The following GGNBP2 variants were observed in gnomAD, a reference collection of about 807,000 sequenced individuals.
GGNBP2 encodes gametogenetin-binding protein 2.
Under a neutral mutation model 85.9 loss-of-function variants are expected in GGNBP2, and 10 were observed. The observed-to-expected ratio is 0.12, with a 90% confidence interval of 0.07 to 0.20. The LOEUF is 0.20. Ranked by LOEUF, GGNBP2 falls within the 10% of genes least tolerant of loss-of-function variation. The pLI, the probability that GGNBP2 is intolerant of heterozygous loss-of-function variation, is 1.00. For synonymous variants in GGNBP2, 287 were observed against 285.7 expected, an observed-to-expected ratio of 1.00 and a Z score of -0.05; for missense variants, 595 against 857.8, an observed-to-expected ratio of 0.69 and a Z score of 3.83.
At chr17:36,570,313 A>AG (rs756019250) in intron 6 of GGNBP2, among the ~76,000 whole-genome samples, 29 of 152,314 alleles carry the variant, frequency 1.9e-4, no homozygotes, top group African/African-American at 6.0e-4. Context: ...AGGAGGTTGA[A>AG]GGTGCACCAT....
chr17:36,551,483 C>T (rs1238118765), intron 2 of GGNBP2, among the ~76,000 whole-genome samples: 1 of 151,730 alleles, frequency 6.6e-6, no homozygotes, highest in Non-Finnish European at 1.5e-5. Context: ...GGATTACGGG[C>T]GTGAGCCACC....
chr17:36,555,526 TCTACAGAAAA>T (rs764051309), intron 3 of GGNBP2, among the ~76,000 whole-genome samples: 5 of 152,160 alleles, frequency 3.3e-5, no homozygotes, highest in Non-Finnish European at 7.3e-5. Flanking sequence ...AAACCCTGTT[TCTACAGAAAA>T]TGCAAAAAAG....
intron 3 of GGNBP2, among the ~76,000 whole-genome samples, chr17:36,556,780 T>TG (rs2074366363): frequency 1.6e-5 from 2 of 124,724 alleles, no homozygotes; most frequent in African/African-American, 3.4e-5. Flanking sequence ...TTTTTTTTTT[T>TG]GTGAGAGGAC....
At chr17:36,555,266 ATGTT>A (rs1232949739) in intron 3 of GGNBP2, among the ~76,000 whole-genome samples, 2 of 152,194 alleles carry the variant, frequency 1.3e-5, no homozygotes, top group Non-Finnish European at 2.9e-5. Context: ...GAATTTTCTG[ATGTT>A]TGTTTAATTC....
intron 2 of GGNBP2, chr17:36,546,756 T>C (rs2074259061): frequency 6.6e-6 from 1 of 152,254 alleles, no homozygotes; most frequent in Non-Finnish European, 1.5e-5. Flanking sequence ...TTTGCTTATT[T>C]CGATAAGGTG....
chr17:36,575,263 G>A (rs527918096), intron 6 of GGNBP2: 3 of 597,564 alleles, frequency 5.0e-6, no homozygotes, highest in South Asian at 1.6e-5. Context: ...CTCCACGGAA[G>A]CCACTGCATT....
In GGNBP2 at chr17:36,578,167, G is replaced by A. The variant is rs2074610284; in HGVS notation, c.826G>A (p.Glu276Lys). Reference sequence around the variant, plus strand: ...CATTGCACATCTTTTGGGTCGTGCTGAGCCAGAGTTCGCAGGAGGGTATGA... The same window carrying A: ...CATTGCACATCTTTTGGGTCGTGCTAAGCCAGAGTTCGCAGGAGGGTATGA... The part of the protein sequence containing the change: ...DFIAHLLGRA[E>K]PEFAGGRRER... Residue 276 changes from glutamate to lysine, a missense_variant, in exon 7 of 14, where the codon GAG becomes AAG. Glu to Lys is a moderately conservative substitution (Grantham distance 56, BLOSUM62 1). Coordinates refer to ENST00000613102, the MANE Select transcript of GGNBP2 (RefSeq NM_024835.5). 5.0e-6 allele frequency: 8 copies of A among 1,610,002 alleles called. No homozygotes were observed. Among genetic ancestry groups the A allele is most frequent in the Non-Finnish European group, 5.1e-6 (6 of 1,176,538 alleles).
At chr17:36,577,384 G>T (rs1185473629) in intron 6 of GGNBP2, 1 of 153,024 alleles carries the variant, frequency 6.5e-6, no homozygotes, top group East Asian at 1.9e-4. Context: ...TGAGAAATAG[G>T]CATTTTTGGG....
rs1170612294 is a variant in GGNBP2 at position 36,578,294 on chromosome 17, A to G, written c.845+108A>G. Reference sequence around the variant, plus strand: ...GCCTCAGTACATATGATATATGTATAAATTAAAGTATGCCTGTAAAGATTT... The same window carrying G: ...GCCTCAGTACATATGATATATGTATGAATTAAAGTATGCCTGTAAAGATTT... On this transcript the variant is annotated intron_variant, in intron 7 of 13. Coordinates refer to ENST00000613102, the MANE Select transcript of GGNBP2 (RefSeq NM_024835.5). 1.7e-5 allele frequency: 13 copies of G among 775,638 alleles called. No individual in the cohort carries two copies. The highest frequency in any genetic ancestry group is 2.2e-5 in the Non-Finnish European group (11 of 490,360). 48.0% of individuals were successfully genotyped at this position (775,638 alleles called of 1,614,324 possible).
chr17:36,559,219 C>T lies in GGNBP2; in HGVS notation c.429-1554C>T, dbSNP rs761777200. On this transcript the variant is annotated intron_variant, in intron 4 of 13. Transcript: ENST00000613102. ...GAGGCTGAGACGGGAATCGCTTGAA[C>T]CCGGGAGGCGGAGGTTGCAGTGAGG... Among the ~76,000 whole-genome samples the T allele has an allele frequency of 4.7e-5, 7 of 150,402 alleles. No homozygotes were observed. In the East Asian group the frequency reaches 1.4e-3, roughly 29 times the overall value.
chr17:36,562,513 CTTTTTTTGA>C (rs1424272798), intron 5 of GGNBP2, among the ~76,000 whole-genome samples: 3 of 149,802 alleles, frequency 2.0e-5, no homozygotes, highest in Non-Finnish European at 3.0e-5. Context: ...TCATTGTCAC[CTTTTTTTGA>C]TTTTTTTTTT....
chr17:36,575,648 A>ATATATATATATATATATATTTTTTTTT (rs374366757), intron 6 of GGNBP2, among the ~76,000 whole-genome samples: 1 of 54,910 alleles, frequency 1.8e-5, no homozygotes, highest in Admixed American at 2.6e-4. Flanking sequence ...ATATATATAT[A>ATATATATATATATATATATTTTTTTTT]TTTTTTTTTT....
intron 9 of GGNBP2, among the ~76,000 whole-genome samples, chr17:36,584,952 CA>C (rs34371498): frequency 0.37 from 44,694 of 121,944 alleles, 7,634 homozygotes; most frequent in Non-Finnish European, 0.46. Flanking sequence ...AGACCGTACT[CA>C]AAAAAAAAAA....
chr17:36,571,909 G>T (rs2142749643), intron 6 of GGNBP2, among the ~76,000 whole-genome samples: 1 of 151,768 alleles, frequency 6.6e-6, no homozygotes, highest in Non-Finnish European at 1.5e-5. Flanking sequence ...AAATTAGCTG[G>T]GCGTAGTGAC....
chr17:36,587,136 C>T lies in GGNBP2; in HGVS notation c.1781C>T (p.Pro594Leu), dbSNP rs202028778. ...SCCSSEKGGQ[P>L]LPWFEHRKNV... ...TGCAGCTCTGAAAAGGGTGGGCAGC[C>T]ATTGCCTTGGTTTGAGCATAGGAAA... is the stretch of plus-strand genomic sequence containing the variant. The change falls in exon 13 of 14, where the codon CCA becomes CTA. Residue 594 changes from proline to leucine, a missense_variant. By Grantham distance (98) the Pro-to-Leu change is moderately conservative. Around this residue, in one of 9 missense-constraint regions of GGNBP2, gnomAD observed 120 missense variants for 126.3 expected, o/e 0.95. Coordinates refer to ENST00000613102, the MANE Select transcript of GGNBP2 (RefSeq NM_024835.5). 3 of 1,614,070 alleles carry T rather than the reference C, an allele frequency of 1.9e-6. No homozygotes were observed. The Admixed American group carries it at 5.0e-5, about 27-fold the overall frequency.
chr17:36,552,626 T>C (rs751919496), intron 2 of GGNBP2, among the ~76,000 whole-genome samples: 1 of 152,188 alleles, frequency 6.6e-6, no homozygotes, highest in African/African-American at 2.4e-5. Context: ...GAAGGAAAAC[T>C]AGAAACAAGA....
At chr17:36,589,110 C>T in intron 13 of GGNBP2, 98 bp from the exon 14 acceptor site, 1 of 807,118 alleles carries the variant, frequency 1.2e-6, no homozygotes, top group Non-Finnish European at 2.0e-6. Context: ...TGATGTGAAA[C>T]TAAAAAGTTA....
chr17:36,556,751 CTTTTTTTT>C lies in GGNBP2; in HGVS notation c.175-310_175-303del, dbSNP rs10544073. Among the ~76,000 whole-genome samples, 16 of 52,848 alleles carry C rather than the reference CTTTTTTTT, an allele frequency of 3.0e-4. No individual in the cohort carries two copies. In the South Asian group the frequency reaches 4.6e-3, roughly 15 times the overall value. 34.7% of individuals were successfully genotyped at this position (52,848 alleles called of 152,430 possible). ...AAAAAAAAGGTACAGCTGTATTGTGCTTTTTTTTTTTTTTTTTTTTTTTTTTTTTGTGA... is the reference window on the plus strand; with the variant it reads ...AAAAAAAAGGTACAGCTGTATTGTGCTTTTTTTTTTTTTTTTTTTTTGTGA... On this transcript the variant is annotated intron_variant, in intron 3 of 13. Transcript: ENST00000613102.
intron 8 of GGNBP2, among the ~76,000 whole-genome samples, chr17:36,579,703 A>G (rs1281187486): frequency 1.3e-5 from 2 of 152,180 alleles, no homozygotes; most frequent in African/African-American, 4.8e-5. Context: ...GTTTAATAAG[A>G]TGCTGCTATG....
Sources: gnomAD v4.1 joint callset for allele counts (sites outside exome capture counted in the v4.1 genomes callset) on GRCh38, gnomAD v4.1.1 for gene constraint, gnomAD v4.1.1 regional missense constraint, MANE v1.5 for transcripts, NCBI Gene and HGNC (gene_info 2026-07-23, HGNC 2026-07-21) for gene names.